CTNNA3: variants seen among roughly 807,000 people sequenced by gnomAD.
CTNNA3 encodes catenin alpha-3.
In CTNNA3, 76 loss-of-function variants were observed where a neutral mutation model predicts 95.7. The observed-to-expected ratio is 0.79, with a 90% CI of 0.66 to 0.96. The LOEUF is 0.96. CTNNA3 is among the 40% of genes least tolerant of loss of function. CTNNA3 has a pLI of 0.00. For synonymous variants in CTNNA3, 431 were observed against 374.4 expected (o/e 1.15, Z -1.74); for missense variants, 1,191 against 1,089.8 (o/e 1.09, Z -1.31).
intron 13 of CTNNA3, among the ~76,000 whole-genome samples, chr10:66,178,440 T>C (rs10996952): frequency 0.25 from 26,279 of 105,370 alleles, 3,297 homozygotes; most frequent in South Asian, 0.4. Flanking sequence ...TATATATATA[T>C]ATACACACAC....
chr10:65,997,023 G>GTTT (rs35832130), intron 15 of CTNNA3, among the ~76,000 whole-genome samples: 7 of 151,592 alleles, frequency 4.6e-5, no homozygotes, highest in African/African-American at 1.7e-4. Flanking sequence ...CATTAATTGT[G>GTTT]TTTTTTTTAA....
At chr10:66,332,951 C>A (rs2092348967) in intron 12 of CTNNA3, among the ~76,000 whole-genome samples, 1 of 151,954 alleles carries the variant, frequency 6.6e-6, no homozygotes, top group South Asian at 2.1e-4. Context: ...CTGGTTTAGT[C>A]TTGGGAGGGT....
intron 5 of CTNNA3, among the ~76,000 whole-genome samples, chr10:67,424,684 TACTCAATA>T (rs1207418839): frequency 6.6e-6 from 1 of 152,134 alleles, no homozygotes; most frequent in African/African-American, 2.4e-5. Context: ...ATCATCATTA[TACTCAATA>T]ATTTTCTTCC....
intron 9 of CTNNA3, among the ~76,000 whole-genome samples, chr10:66,624,241 T>G (rs7914986): frequency 3.3e-5 from 5 of 151,714 alleles, no homozygotes; most frequent in Non-Finnish European, 5.9e-5. Flanking sequence ...AATTATTTGA[T>G]CTTGTTTTGT....
At chr10:67,521,114 A>G (rs1839970746) in intron 5 of CTNNA3, among the ~76,000 whole-genome samples, 1 of 152,186 alleles carries the variant, frequency 6.6e-6, no homozygotes, top group Non-Finnish European at 1.5e-5. Context: ...AAGCTTGACA[A>G]CGCTGACACC....
At chr10:67,341,593 C>A (rs1243898667) in intron 5 of CTNNA3, among the ~76,000 whole-genome samples, 1 of 152,140 alleles carries the variant, frequency 6.6e-6, no homozygotes, top group Non-Finnish European at 1.5e-5. Flanking sequence ...ATCCATTCAT[C>A]TGTTGATGGA....
chr10:66,645,853 G>A (rs1845689499), intron 9 of CTNNA3, among the ~76,000 whole-genome samples: 1 of 152,148 alleles, frequency 6.6e-6, no homozygotes, highest in Non-Finnish European at 1.5e-5. Context: ...TGTCTTCCAT[G>A]AAACTGGTCC....
At chr10:67,119,065 G>A (rs569127291) in intron 7 of CTNNA3, among the ~76,000 whole-genome samples, 1 of 151,892 alleles carries the variant, frequency 6.6e-6, no homozygotes, top group East Asian at 1.9e-4. Context: ...CAATATAACT[G>A]GAGTAAAGCC....
intron 13 of CTNNA3, among the ~76,000 whole-genome samples, chr10:66,181,805 A>G (rs1199147932): frequency 6.6e-6 from 1 of 152,178 alleles, no homozygotes; most frequent in Non-Finnish European, 1.5e-5. Context: ...CCTCCAAATT[A>G]TAGTTCTTTG....
chr10:67,646,171 T>TGAGG (rs1184583724), intron 2 of CTNNA3, among the ~76,000 whole-genome samples: 1 of 148,856 alleles, frequency 6.7e-6, no homozygotes, highest in Non-Finnish European at 1.5e-5. Context: ...GAAAAACAAA[T>TGAGG]GAGGGTTTTT....
At chr10:66,865,957 T>C (rs9415865) in intron 7 of CTNNA3, among the ~76,000 whole-genome samples, 33,832 of 152,074 alleles carry the variant, frequency 0.22, 4,329 homozygotes, top group African/African-American at 0.35. Context: ...GTGTTAATTT[T>C]ATTTATAGCT....
At chr10:67,676,941 T>G (rs573773691) in intron 1 of CTNNA3, among the ~76,000 whole-genome samples, 1 of 151,154 alleles carries the variant, frequency 6.6e-6, no homozygotes, top group East Asian at 1.9e-4. Context: ...GGGTCTTTGG[T>G]GTTCTTTCTC....
chr10:66,797,853 G>A (rs867505705), intron 7 of CTNNA3, among the ~76,000 whole-genome samples: 6 of 151,412 alleles, frequency 4.0e-5, no homozygotes, highest in Non-Finnish European at 8.9e-5. Context: ...CAATTATTTG[G>A]GCATGTAAAA....
intron 1 of CTNNA3, among the ~76,000 whole-genome samples, chr10:67,729,509 A>G (rs1841262962): frequency 6.6e-6 from 1 of 152,150 alleles, no homozygotes; most frequent in African/African-American, 2.4e-5. Flanking sequence ...TTTAATTTCT[A>G]TATTGCTAAA....
chr10:67,347,573 G>A (rs868082062), intron 5 of CTNNA3, among the ~76,000 whole-genome samples: 1 of 152,086 alleles, frequency 6.6e-6, no homozygotes, highest in Admixed American at 6.6e-5. Context: ...TATCCTTGTA[G>A]AATTTGAGTC....
chr10:66,433,017 A>G (rs2093310028), intron 11 of CTNNA3, among the ~76,000 whole-genome samples: 1 of 152,150 alleles, frequency 6.6e-6, no homozygotes, highest in African/African-American at 2.4e-5. Context: ...TATGGTGTAT[A>G]TGTGCCACAT....
intron 9 of CTNNA3, among the ~76,000 whole-genome samples, chr10:66,645,036 A>G (rs1845658522): frequency 6.6e-6 from 1 of 152,164 alleles, no homozygotes; most frequent in Non-Finnish European, 1.5e-5. Flanking sequence ...GATTTTTTTC[A>G]TAACATAATT....
chr10:67,665,386 T>C (rs1300827451), intron 1 of CTNNA3, among the ~76,000 whole-genome samples: 1 of 152,196 alleles, frequency 6.6e-6, no homozygotes, highest in Admixed American at 6.5e-5. Flanking sequence ...AAAGTAAAAA[T>C]TGCACAACAT....
chr10:67,199,455 C>T lies in CTNNA3; in HGVS notation c.844-18935G>A, dbSNP rs147045175. Among the ~76,000 whole-genome samples the T allele has an allele frequency of 5.1e-3, 782 of 152,152 alleles. 6 individuals are homozygous for T. Among genetic ancestry groups the T allele is most frequent in the African/African-American group, 0.017 (708 of 41,514 alleles). On this transcript the variant is annotated intron_variant, in intron 6 of 17. Transcript: ENST00000433211. ...CGCATTCTTGGCTCTCTGCAACCTC[C>T]GCCTCCCGAGTTCAAGCGATTCTTC... is the stretch of plus-strand genomic sequence containing the variant.
Sources: gnomAD v4.1 joint callset for allele counts (sites outside exome capture counted in the v4.1 genomes callset) on GRCh38, gnomAD v4.1.1 for gene constraint, MANE v1.5 for transcripts, NCBI Gene and HGNC (gene_info 2026-07-23, HGNC 2026-07-21) for gene names.